The following RAB10 variants were observed in gnomAD, a reference collection of about 807,000 sequenced individuals.
The protein encoded by RAB10 is ras-related protein Rab-10.
Under a neutral mutation model 25.7 loss-of-function variants are expected in RAB10, and 5 were observed. The ratio of observed to expected loss-of-function variants is 0.19; its 90% CI spans 0.10 to 0.41. The LOEUF (loss-of-function observed/expected upper bound fraction) is 0.41. RAB10 is among the 10% of genes least tolerant of loss of function. The probability of loss-of-function intolerance (pLI) is 1.00; values close to 1 mark genes in which losing one functional copy is unlikely to be tolerated. For synonymous variants in RAB10, 89 were observed against 86.4 expected, an observed-to-expected ratio of 1.03 and a Z score of -0.16; for missense variants, 103 against 245.8, an observed-to-expected ratio of 0.42 and a Z score of 3.89.
At chr2:26,092,587 G>A (rs1559590931) in intron 1 of RAB10, among the ~76,000 whole-genome samples, 1 of 152,092 alleles carries the variant, frequency 6.6e-6, no homozygotes, top group African/African-American at 2.4e-5. Flanking sequence ...CTTCTGTCTT[G>A]ACCAGTTAGA....
At chr2:26,095,121 C>A (rs1043203159) in intron 1 of RAB10, among the ~76,000 whole-genome samples, 3 of 152,148 alleles carry the variant, frequency 2.0e-5, no homozygotes, top group Admixed American at 2.0e-4. Flanking sequence ...AAATCTGAAC[C>A]ATGAGGCCTG....
At chr2:26,104,291 G>A (rs980541173) in intron 2 of RAB10, among the ~76,000 whole-genome samples, 6 of 152,152 alleles carry the variant, frequency 3.9e-5, no homozygotes, top group Non-Finnish European at 8.8e-5. Context: ...GAGCTAGGTT[G>A]GTATCTCATT....
At chr2:26,049,866 A>G (rs763522368) in intron 1 of RAB10, among the ~76,000 whole-genome samples, 11 of 152,160 alleles carry the variant, frequency 7.2e-5, no homozygotes, top group Non-Finnish European at 1.5e-4. Context: ...TTATTTGATT[A>G]ATCTCCATCT....
At chr2:26,061,077 T>C (rs1033924179) in intron 1 of RAB10, among the ~76,000 whole-genome samples, 4 of 150,190 alleles carry the variant, frequency 2.7e-5, no homozygotes, top group Non-Finnish European at 4.4e-5. Flanking sequence ...AATTTTTTTT[T>C]CCATTTATCT....
chr2:26,054,892 G>C (rs2149265238), intron 1 of RAB10, among the ~76,000 whole-genome samples: 1 of 152,066 alleles, frequency 6.6e-6, no homozygotes, highest in Non-Finnish European at 1.5e-5. Flanking sequence ...GAGGTGGGAG[G>C]GTTGCTTGAG....
At chr2:26,103,106 A>T (rs1667378667) in intron 2 of RAB10, among the ~76,000 whole-genome samples, 1 of 152,242 alleles carries the variant, frequency 6.6e-6, no homozygotes, top group Non-Finnish European at 1.5e-5. Flanking sequence ...GGTCCAAGGA[A>T]GCTAAGTACA....
intron 1 of RAB10, among the ~76,000 whole-genome samples, chr2:26,041,758 G>C (rs1327320143): frequency 6.6e-6 from 1 of 151,750 alleles, no homozygotes; most frequent in African/African-American, 2.4e-5. Flanking sequence ...TACAAAATTA[G>C]CTGGGCGTGG....
chr2:26,100,300 G>A (rs1667316016), intron 2 of RAB10, among the ~76,000 whole-genome samples: 1 of 152,122 alleles, frequency 6.6e-6, no homozygotes, highest in Non-Finnish European at 1.5e-5. Flanking sequence ...AGGTTTCTAA[G>A]CCTGCTTTCA....
At chr2:26,039,201 A>G (rs1013403236) in intron 1 of RAB10, among the ~76,000 whole-genome samples, 8 of 151,626 alleles carry the variant, frequency 5.3e-5, no homozygotes, top group African/African-American at 1.5e-4. Flanking sequence ...TGAATTTTTT[A>G]GTAGAGACAG....
chr2:26,072,004 C>T (rs1666637637), intron 1 of RAB10, among the ~76,000 whole-genome samples: 1 of 152,062 alleles, frequency 6.6e-6, no homozygotes, highest in Non-Finnish European at 1.5e-5. Context: ...ATGAAATACG[C>T]CAACATTTGG....
At chr2:26,039,530 G>T (rs1367807906) in intron 1 of RAB10, among the ~76,000 whole-genome samples, 2 of 150,456 alleles carry the variant, frequency 1.3e-5, no homozygotes, top group Non-Finnish European at 3.0e-5. Context: ...TGTATTTTTA[G>T]TAGAGATGCG....
At chr2:26,069,733 TCTCA>T (rs1666585543) in intron 1 of RAB10, among the ~76,000 whole-genome samples, 1 of 142,088 alleles carries the variant, frequency 7.0e-6, no homozygotes, top group Admixed American at 7.2e-5. Flanking sequence ...TGAGATGGGG[TCTCA>T]CTCTGTTGCC....
At chr2:26,039,015 CTTTTTTTTTTTT>C (rs70950162) in intron 1 of RAB10, among the ~76,000 whole-genome samples, 1 of 108,928 alleles carries the variant, frequency 9.2e-6, no homozygotes, top group African/African-American at 3.5e-5. Flanking sequence ...TTAATAGCCA[CTTTTTTTTTTTT>C]TTTTTTTTAA....
intron 1 of RAB10, among the ~76,000 whole-genome samples, chr2:26,045,319 A>C (rs1443360387): frequency 6.6e-6 from 1 of 151,094 alleles, no homozygotes; most frequent in Non-Finnish European, 1.5e-5. Context: ...GGCTCACTGC[A>C]AGCTCCGCCT....
At position 26,041,819 on chromosome 2, in the gene RAB10, G is replaced by T. The variant is rs191721341; in HGVS notation, c.127+7084G>T. On this transcript the variant is annotated intron_variant, in intron 1 of 5. Coordinates refer to ENST00000264710, the MANE Select transcript of RAB10 (RefSeq NM_016131.5). ...CTCTAGAGGCTGAGGCAGGAGAACC[G>T]CTTGAACCAGGGAGGCGGAGGTTGC... Among the ~76,000 whole-genome samples the T allele has an allele frequency of 2.1e-3, 313 of 152,234 alleles. 1 individual carries two copies. Among genetic ancestry groups the T allele is most frequent in the African/African-American group, 7.2e-3 (301 of 41,546 alleles).
In RAB10 at chr2:26,098,139, AG is replaced by A. The variant is rs1667267545; in HGVS notation, c.128-522del. On this transcript the variant is annotated intron_variant, in intron 1 of 5. Coordinates refer to ENST00000264710, the MANE Select transcript of RAB10 (RefSeq NM_016131.5). ...TTTTTTTTTTTTTTTTTTTTTTTTGAGACATGGTCTTGTTCTGTTGCCCAGG... is the reference window on the plus strand; with the variant it reads ...TTTTTTTTTTTTTTTTTTTTTTTTGAACATGGTCTTGTTCTGTTGCCCAGG... 7.6e-4 allele frequency among the ~76,000 whole-genome samples: 14 copies of A among 18,484 alleles called. No individual in the cohort carries two copies. In the Admixed American group the frequency reaches 9.7e-3, roughly 13 times the overall value. The allele number at this position is 18,484 out of a possible 152,430, so 12.1% of individuals were successfully genotyped here.
In RAB10 at chr2:26,136,409, T is replaced by C. The variant is rs1668114919; in HGVS notation, c.*1388T>C. 1 of 152,644 alleles carries C rather than the reference T, an allele frequency of 6.6e-6. No individual in the cohort carries two copies. The highest frequency in any genetic ancestry group is 2.4e-5 in the African/African-American group (1 of 41,462). 9.5% of individuals were successfully genotyped at this position (152,644 alleles called of 1,614,324 possible). A position where few individuals can be genotyped will look rare whatever the true frequency, so the allele number is the denominator to read the frequency against. On this transcript the variant is annotated 3_prime_UTR_variant, in exon 6 of 6. Coordinates refer to ENST00000264710, the MANE Select transcript of RAB10 (RefSeq NM_016131.5). ...TTAGAATATTATTAATTTTAAGTCC[T>C]GTCTTTACATCCTTTTGGAAAACTT... is the stretch of plus-strand genomic sequence containing the variant.
At chr2:26,042,001 T>A (rs1266211706) in intron 1 of RAB10, among the ~76,000 whole-genome samples, 1 of 152,224 alleles carries the variant, frequency 6.6e-6, no homozygotes, top group East Asian at 1.9e-4. Context: ...AGTGGTTGAT[T>A]TGACCATAAC....
intron 1 of RAB10, among the ~76,000 whole-genome samples, chr2:26,079,713 T>C (rs1186714307): frequency 6.7e-6 from 1 of 150,210 alleles, no homozygotes; most frequent in Non-Finnish European, 1.5e-5. Flanking sequence ...TCACCCAGGC[T>C]GGAGTGCAGT....
Sources: allele counts gnomAD v4.1 joint callset (sites outside exome capture counted in the v4.1 genomes callset), GRCh38; gene constraint gnomAD v4.1.1; transcripts MANE v1.5; gene names NCBI Gene and HGNC (gene_info 2026-07-23, HGNC 2026-07-21).